The following SLC37A3 variants were observed in gnomAD, a reference collection of about 807,000 sequenced individuals.
SLC37A3 encodes solute carrier family 37 member 3.
In SLC37A3, 51 loss-of-function variants were observed where a neutral mutation model predicts 67.1. The observed-to-expected ratio is 0.76, with a 90% CI of 0.61 to 0.96. The LOEUF is 0.96. SLC37A3 is among the 40% of genes least tolerant of loss of function. The probability of loss-of-function intolerance (pLI) is 0.00; values close to 1 mark genes in which losing one functional copy is unlikely to be tolerated. For synonymous variants in SLC37A3, 214 were observed against 231.4 expected (o/e 0.92, Z 0.68); for missense variants, 508 against 603.0 (o/e 0.84, Z 1.65).
rs755564519 is a variant in SLC37A3 at position 140,333,859 on chromosome 7, A to C, written c.*1553T>G. Reference sequence around the variant, plus strand: ...GAAATCTGCATGATTAAATAACATTAACAAGTTCATAAACACACCCCATAT... The same window carrying C: ...GAAATCTGCATGATTAAATAACATTCACAAGTTCATAAACACACCCCATAT... On this transcript the variant is annotated 3_prime_UTR_variant, in exon 15 of 15. Transcript: ENST00000326232. 3 of 152,798 alleles carry C rather than the reference A, an allele frequency of 2.0e-5. No individual in the cohort carries two copies. Among genetic ancestry groups the C allele is most frequent in the Admixed American group, 6.5e-5 (1 of 15,300 alleles). 9.5% of individuals were successfully genotyped at this position (152,798 alleles called of 1,614,324 possible).
Position 140,347,234 on chromosome 7 carries a change from G to A in SLC37A3, c.1025-1264C>T, listed in dbSNP as rs977939749. 5.7e-5 allele frequency among the ~76,000 whole-genome samples: 8 copies of A among 139,800 alleles called. No homozygotes were observed. In the East Asian group the frequency reaches 1.4e-3, roughly 25 times the overall value. 91.7% of individuals were successfully genotyped at this position (139,800 alleles called of 152,430 possible). A position where few individuals can be genotyped will look rare whatever the true frequency, so the allele number is the denominator to read the frequency against. On this transcript the variant is annotated intron_variant, in intron 10 of 14. Coordinates refer to ENST00000326232, the MANE Select transcript of SLC37A3 (RefSeq NM_207113.3). ...CCACTCCAGCGTGGGCGACAGAGCAGTACCCCCATCTCCAAAAAAAAAAAA... is the reference window on the plus strand; with the variant it reads ...CCACTCCAGCGTGGGCGACAGAGCAATACCCCCATCTCCAAAAAAAAAAAA...
Position 140,351,415 on chromosome 7 carries a change from T to C in SLC37A3, c.740A>G (p.Glu247Gly). Residue 247 changes from glutamate (E) to glycine (G), a missense_variant, in exon 9 of 15, where the codon GAA becomes GGA. Glu to Gly is a moderately conservative substitution (Grantham distance 98). Coordinates refer to ENST00000326232, the MANE Select transcript of SLC37A3 (RefSeq NM_207113.3). ...ATTAATTAATGGCCTGTGTGAGTCT[T>C]CTTCAAAGTTTTCTTCTGCCTCAAT... The part of the protein sequence containing the change: ...SGIEAEENFE[E>G]DSHRPLINGG... 1 of 1,614,184 alleles carries C rather than the reference T, an allele frequency of 6.2e-7. No individual in the cohort carries two copies. The highest frequency in any genetic ancestry group is 8.5e-7 in the Non-Finnish European group (1 of 1,180,034).
intron 14 of SLC37A3, among the ~76,000 whole-genome samples, chr7:140,335,931 G>C (rs1371132580): frequency 6.6e-6 from 1 of 152,264 alleles, no homozygotes; most frequent in Non-Finnish European, 1.5e-5. Context: ...TTAGAAGCTA[G>C]ATGGGAATTA....
intron 1 of SLC37A3, among the ~76,000 whole-genome samples, chr7:140,390,840 G>A (rs1798699910): frequency 6.6e-6 from 1 of 152,022 alleles, no homozygotes; most frequent in African/African-American, 2.4e-5. Flanking sequence ...ACCTCAACAA[G>A]GCTCCCAATT....
In SLC37A3 at chr7:140,343,509, A is replaced by C; in HGVS notation, c.1229T>G (p.Leu410Trp). ...NMISSAISAD[L>W]GRQELIQRSS... ...CCTTTGGATGAGCTCCTGGCGACCC[A>C]AGTCCGCAGAAATAGCAGAACTAAT... The change falls in exon 13 of 15, where the codon TTG (leucine) becomes TGG (tryptophan). Residue 410 changes from leucine (L) to tryptophan (W), a missense_variant. Leu to Trp is a moderately conservative substitution (Grantham distance 61, BLOSUM62 -2). Coordinates refer to ENST00000326232, the MANE Select transcript of SLC37A3 (RefSeq NM_207113.3). The C allele has an allele frequency of 1.9e-6, 3 of 1,614,166 alleles. No individual in the cohort carries two copies. The highest frequency in any genetic ancestry group is 2.5e-6 in the Non-Finnish European group (3 of 1,180,022).
At position 140,385,563 on chromosome 7, in the gene SLC37A3, CA is replaced by C. The variant is rs1386244331; in HGVS notation, c.-70-2968del. 2.6e-5 allele frequency among the ~76,000 whole-genome samples: 4 copies of C among 152,012 alleles called. No individual in the cohort carries two copies. The East Asian group carries it at 7.7e-4, about 29-fold the overall frequency. On this transcript the variant is annotated intron_variant, in intron 1 of 14. Transcript: ENST00000326232. ...GATGTATCATGTAAAATCATAATTC[CA>C]AAAATAAATGCTCCAACAGATTGAA...
intron 5 of SLC37A3, among the ~76,000 whole-genome samples, chr7:140,364,106 C>T (rs1269800562): frequency 2.0e-5 from 3 of 152,108 alleles, no homozygotes; most frequent in Non-Finnish European, 4.4e-5. Context: ...CAAAAATCAC[C>T]CAGGCGTGGT....
chr7:140,393,231 A>T (rs1798790787), intron 1 of SLC37A3, among the ~76,000 whole-genome samples: 1 of 152,176 alleles, frequency 6.6e-6, no homozygotes, highest in Admixed American at 6.5e-5. Context: ...AGAGCCCCCA[A>T]GATCACACAT....
chr7:140,356,245 T>G (rs1032345502), intron 6 of SLC37A3, among the ~76,000 whole-genome samples: 4 of 147,668 alleles, frequency 2.7e-5, no homozygotes, highest in Non-Finnish European at 3.0e-5. Context: ...CCCTCAAAAC[T>G]CAGTAAAATA....
intron 4 of SLC37A3, among the ~76,000 whole-genome samples, chr7:140,366,870 C>T (rs1236913756): frequency 6.6e-6 from 1 of 152,196 alleles, no homozygotes. Flanking sequence ...CGCAGTGGCT[C>T]ACACCTGTAA....
intron 10 of SLC37A3, among the ~76,000 whole-genome samples, chr7:140,346,686 G>T (rs1246865236): frequency 2.0e-5 from 3 of 152,180 alleles, no homozygotes; most frequent in Non-Finnish European, 4.4e-5. Flanking sequence ...GACTGCTTGA[G>T]GCCAGGGGTT....
In SLC37A3 at chr7:140,335,354, C is replaced by A. The variant is rs747057672; in HGVS notation, c.*58G>T. On this transcript the variant is annotated 3_prime_UTR_variant, in exon 15 of 15. Coordinates refer to ENST00000326232, the MANE Select transcript of SLC37A3 (RefSeq NM_207113.3). ...AGACAAACCCAAATTAGGGCAGACT[C>A]GAAGCCCCAGCGGTCCTGATGTGGC... The A allele has an allele frequency of 1.8e-5, 29 of 1,614,018 alleles. No individual in the cohort carries two copies. The highest frequency in any genetic ancestry group is 2.4e-5 in the Non-Finnish European group (28 of 1,180,044).
rs1796060466 is a variant in SLC37A3 at position 140,334,564 on chromosome 7, G to A, written c.*848C>T. 6.6e-6 allele frequency: 1 copy of A among 152,474 alleles called. No homozygotes were observed. Among genetic ancestry groups the A allele is most frequent in the Admixed American group, 6.5e-5 (1 of 15,268 alleles). The allele number at this position is 152,474 out of a possible 1,614,324, so 9.4% of individuals were successfully genotyped here. On this transcript the variant is annotated 3_prime_UTR_variant, in exon 15 of 15. Transcript: ENST00000326232. ...CTTCCTAGAGGATCCTAAGTTCCCA[G>A]ACAACAAATCTGGGATGGAGTGCTT...
At chr7:140,337,895 T>G (rs934687367) in intron 13 of SLC37A3, 4 of 147,700 alleles carry the variant, frequency 2.7e-5, no homozygotes, top group African/African-American at 9.9e-5. Context: ...CATTTTAACT[T>G]TTTTTTTTTT....
At chr7:140,339,284 A>G (rs1278675579) in intron 13 of SLC37A3, among the ~76,000 whole-genome samples, 3 of 120,900 alleles carry the variant, frequency 2.5e-5, no homozygotes, top group African/African-American at 9.9e-5. Flanking sequence ...TTTTTTTGAG[A>G]GAGTCTTCCT....
chr7:140,376,155 A>G (rs1022566868), intron 3 of SLC37A3, among the ~76,000 whole-genome samples: 1 of 152,236 alleles, frequency 6.6e-6, no homozygotes, highest in African/African-American at 2.4e-5. Flanking sequence ...TTTCTGCTTC[A>G]CTGCCAGAAT....
chr7:140,353,235 C>T (rs1319010643), intron 7 of SLC37A3, among the ~76,000 whole-genome samples: 1 of 152,042 alleles, frequency 6.6e-6, no homozygotes, highest in South Asian at 2.1e-4. Context: ...ATAATCCCAG[C>T]ACTTTGGGAG....
Position 140,364,456 on chromosome 7 carries a change from C to CA in SLC37A3, c.326dup (p.Leu109PhefsTer98). 6.2e-7 allele frequency: 1 copy of CA among 1,614,036 alleles called. No homozygotes were observed. On this transcript the variant is annotated frameshift_variant, in exon 5 of 15. Coordinates refer to ENST00000326232, the MANE Select transcript of SLC37A3 (RefSeq NM_207113.3). LOFTEE classifies it high-confidence loss of function. ...CAAAAGACAGAACCCATCGCAAATT[C>CA]AACCGATCCCCAACGATGCCACTGA...
At chr7:140,370,835 C>T (rs1231821299) in intron 3 of SLC37A3, among the ~76,000 whole-genome samples, 5 of 152,166 alleles carry the variant, frequency 3.3e-5, no homozygotes, top group African/African-American at 1.2e-4. Context: ...ACTCAGAAAA[C>T]TTATAATCCC....
Sources: allele counts gnomAD v4.1 joint callset (sites outside exome capture counted in the v4.1 genomes callset), GRCh38; gene constraint gnomAD v4.1.1; transcripts MANE v1.5; gene names NCBI Gene and HGNC (gene_info 2026-07-23, HGNC 2026-07-21).